BLTP2: variants seen among roughly 807,000 people sequenced by gnomAD.
BLTP2 encodes U937-associated antigen.
At chr17:28,644,863 C>A in the BLTP2 span, 3 of 757,404 alleles carry the variant, frequency 4.0e-6, no homozygotes, top group Non-Finnish European at 2.1e-6. Context: ...CCCCCTCCCT[C>A]CACCCTACCC....
the BLTP2 span, chr17:28,643,452 C>A: frequency 7.3e-7 from 1 of 1,362,648 alleles, no homozygotes; most frequent in South Asian, 1.2e-5. Context: ...TTATCAATAT[C>A]TTCCTCACAA....
the BLTP2 span, chr17:28,618,879 T>G: frequency 6.2e-7 from 1 of 1,614,196 alleles, no homozygotes; most frequent in Non-Finnish European, 8.5e-7. Context: ...CTGAGCAAAG[T>G]AAAACTCAGT....
chr17:28,624,033 A>G, the BLTP2 span: 79 of 1,471,548 alleles, frequency 5.4e-5, 1 homozygote, highest in Non-Finnish European at 3.6e-5. Flanking sequence ...CATTGTATCA[A>G]CCACTGCAGC....
At chr17:28,627,029 C>A in the BLTP2 span, among the ~76,000 whole-genome samples, 1 of 152,060 alleles carries the variant, frequency 6.6e-6, no homozygotes, top group East Asian at 1.9e-4. Flanking sequence ...TGATGCTGTC[C>A]CTGGGTAGAT....
At chr17:28,623,116 C>T in the BLTP2 span, among the ~76,000 whole-genome samples, 1 of 151,822 alleles carries the variant, frequency 6.6e-6, no homozygotes, top group African/African-American at 2.4e-5. Flanking sequence ...ATTACCTTGC[C>T]ACACACTTAG....
the BLTP2 span, chr17:28,615,901 G>A: frequency 7.8e-7 from 1 of 1,274,634 alleles, no homozygotes; most frequent in Non-Finnish European, 1.1e-6. Flanking sequence ...TCCTACAATA[G>A]TAACCTACAG....
chr17:28,644,292 G>T, the BLTP2 span: 1 of 1,230,768 alleles, frequency 8.1e-7, no homozygotes, highest in Non-Finnish European at 1.1e-6. Context: ...CCTGAAACTG[G>T]ATCTGAGCAA....
chr17:28,628,174 G>A, the BLTP2 span: 3 of 1,088,696 alleles, frequency 2.8e-6, no homozygotes, highest in Non-Finnish European at 4.1e-6. Context: ...CTAGATAGAA[G>A]CACCATGACT....
At chr17:28,627,429 C>A in the BLTP2 span, among the ~76,000 whole-genome samples, 2 of 150,194 alleles carry the variant, frequency 1.3e-5, no homozygotes, top group African/African-American at 4.9e-5. Context: ...TTTTTTGAGA[C>A]AGAGACTTGC....
At chr17:28,635,735 T>C in the BLTP2 span, 4 of 920,616 alleles carry the variant, frequency 4.3e-6, no homozygotes, top group African/African-American at 1.7e-5. Flanking sequence ...TCCTGAGTAA[T>C]CACATTAATT....
chr17:28,623,692 C>T, the BLTP2 span: 1 of 1,341,776 alleles, frequency 7.5e-7, no homozygotes, highest in Non-Finnish European at 1.1e-6. Flanking sequence ...TGTCAAGAAT[C>T]TTCCAGCCAT....
the BLTP2 span, chr17:28,642,627 G>A: frequency 3.6e-6 from 2 of 559,922 alleles, no homozygotes; most frequent in Admixed American, 3.1e-5. Context: ...CTCCAGCCTA[G>A]GCAACAGAGC....
At chr17:28,627,842 G>A in the BLTP2 span, among the ~76,000 whole-genome samples, 1 of 151,712 alleles carries the variant, frequency 6.6e-6, no homozygotes, top group Non-Finnish European at 1.5e-5. Context: ...ATTATTTTTA[G>A]TAGAGATGGG....
chr17:28,639,984 T>C, the BLTP2 span: 2 of 1,614,060 alleles, frequency 1.2e-6, no homozygotes, highest in African/African-American at 1.3e-5. Flanking sequence ...CTCATCACGG[T>C]GGTACAGGAA....
the BLTP2 span, among the ~76,000 whole-genome samples, chr17:28,624,734 C>T: frequency 6.6e-6 from 1 of 152,102 alleles, no homozygotes; most frequent in Non-Finnish European, 1.5e-5. Context: ...TATTTGACCA[C>T]TCTTTTCCAC....
At chr17:28,642,090 A>G in the BLTP2 span, 1 of 1,612,690 alleles carries the variant, frequency 6.2e-7, no homozygotes, top group Admixed American at 1.7e-5. Flanking sequence ...TGTGGGGATG[A>G]TAAGCCTCTA....
the BLTP2 span, chr17:28,645,084 C>T: frequency 6.4e-7 from 1 of 1,561,708 alleles, no homozygotes. Context: ...CCGGCTTGGC[C>T]CCGGCCCCCG....
the BLTP2 span, chr17:28,638,462 T>C: frequency 1.2e-6 from 2 of 1,602,026 alleles, no homozygotes; most frequent in Non-Finnish European, 8.5e-7. Context: ...ACTGTGGCCA[T>C]CAATTGGGCC....
the BLTP2 span, among the ~76,000 whole-genome samples, chr17:28,637,325 T>TTCC: frequency 6.6e-6 from 1 of 152,196 alleles, no homozygotes. Context: ...CCCTTTCCCA[T>TTCC]CTTAACCTAA....
Sources: gnomAD v4.1 joint callset for allele counts (sites outside exome capture counted in the v4.1 genomes callset) on GRCh38, gnomAD v4.1.1 for gene constraint, MANE v1.5 for transcripts, NCBI Gene and HGNC (gene_info 2026-07-23, HGNC 2026-07-21) for gene names.